The following LAMA2 variants were observed in gnomAD, a reference collection of about 807,000 sequenced individuals.
LAMA2 encodes laminin subunit alpha 2, also known as laminin subunit alpha-2.
Under a neutral mutation model 364.8 loss-of-function variants are expected in LAMA2, and 269 were observed. The ratio of observed to expected loss-of-function variants is 0.74; its 90% CI spans 0.67 to 0.82. The LOEUF (loss-of-function observed/expected upper bound fraction) is 0.82, where lower values mean the gene tolerates loss of function less well. Among genes scored for constraint, LAMA2 ranks in the 40% least tolerant of loss-of-function variants. The pLI is 0.00. For missense variants in LAMA2, 3,807 were observed against 3,873.2 expected, an observed-to-expected ratio of 0.98 and a Z score of 0.45; for synonymous variants, 1,379 against 1,370.6, an observed-to-expected ratio of 1.01 and a Z score of -0.14.
chr6:129,012,374 G>T (rs1048303150), intron 1 of LAMA2, among the ~76,000 whole-genome samples: 1 of 151,962 alleles, frequency 6.6e-6, no homozygotes, highest in East Asian at 1.9e-4. Flanking sequence ...AAATAACCCC[G>T]AACTCCTATA....
At chr6:129,170,432 T>C (rs1345241799) in intron 9 of LAMA2, among the ~76,000 whole-genome samples, 1 of 130,318 alleles carries the variant, frequency 7.7e-6, no homozygotes, top group Non-Finnish European at 1.5e-5. Context: ...CCAGTAGTCA[T>C]TCAGGAGCAG....
intron 26 of LAMA2, 31 bp downstream of exon 26, chr6:129,315,981 A>G (rs1774578199): frequency 6.2e-7 from 1 of 1,613,942 alleles, no homozygotes; most frequent in Non-Finnish European, 8.5e-7. Flanking sequence ...GTGCAAAGAT[A>G]CCAATCAATG....
At chr6:129,472,214 A>G (rs1465490950) in intron 51 of LAMA2, among the ~76,000 whole-genome samples, 2 of 151,952 alleles carry the variant, frequency 1.3e-5, no homozygotes, top group African/African-American at 4.8e-5. Context: ...CTAGCATCCT[A>G]AAGAATAAAC....
chr6:129,031,588 A>G (rs1339594448), intron 1 of LAMA2, among the ~76,000 whole-genome samples: 3 of 152,238 alleles, frequency 2.0e-5, no homozygotes, highest in Non-Finnish European at 4.4e-5. Context: ...GTATGGGTTT[A>G]GAAAGACAAT....
chr6:129,287,724 T>G, intron 18 of LAMA2, 123 bp from the exon 19 acceptor site: 3 of 856,160 alleles, frequency 3.5e-6, no homozygotes, highest in Non-Finnish European at 6.0e-6. Context: ...ACGTTGCGTT[T>G]GAGAAAAGGA....
Position 129,320,546 on chromosome 6 carries a change from A to C in LAMA2, c.4067A>C (p.Glu1356Ala). ...GNFMRQSRIS[E>A]ISMEVAEQGR... ...ATTCTCGCTGTTTCTAGGATTTCTG[A>C]AATCTCAATGGAGGTAGCTGAACAA... is the stretch of plus-strand genomic sequence containing the variant. The change falls in exon 28 of 65, where the codon GAA becomes GCA. Residue 1356 changes from glutamate to alanine, a missense_variant. By Grantham distance (107) the Glu-to-Ala change is moderately radical. Transcript: ENST00000421865. The C allele has an allele frequency of 6.2e-7, 1 of 1,600,584 alleles. No homozygotes were observed. The highest frequency in any genetic ancestry group is 8.6e-7 in the Non-Finnish European group (1 of 1,167,658).
At chr6:129,034,018 G>T (rs934730046) in intron 1 of LAMA2, among the ~76,000 whole-genome samples, 11 of 151,948 alleles carry the variant, frequency 7.2e-5, no homozygotes, top group African/African-American at 2.4e-4. Flanking sequence ...TGATGGATGA[G>T]ATTTCAATGC....
intron 32 of LAMA2, among the ~76,000 whole-genome samples, chr6:129,360,841 T>C (rs1182640605): frequency 6.6e-6 from 1 of 152,198 alleles, no homozygotes; most frequent in East Asian, 1.9e-4. Context: ...CACCGTAGCA[T>C]ATTACAGTAC....
chr6:129,445,940 G>C (rs989456908), intron 45 of LAMA2, 119 bp downstream of exon 45: 9 of 984,844 alleles, frequency 9.1e-6, no homozygotes, highest in African/African-American at 3.2e-5. Context: ...CCTTTAACTC[G>C]AAGCGATTTG....
chr6:129,381,748 TTGGTTAATACTC>T (rs1223493019), intron 34 of LAMA2, among the ~76,000 whole-genome samples: 1 of 152,216 alleles, frequency 6.6e-6, no homozygotes, highest in Non-Finnish European at 1.5e-5. Flanking sequence ...TTATAATACT[TTGGTTAATACTC>T]TCCAAATTAT....
chr6:129,451,967 A>G (rs1298087768), intron 45 of LAMA2, among the ~76,000 whole-genome samples: 1 of 152,232 alleles, frequency 6.6e-6, no homozygotes, highest in Non-Finnish European at 1.5e-5. Flanking sequence ...TGAGTAGCAC[A>G]AAATGCTAGA....
At chr6:129,109,752 T>C (rs1348645720) in intron 4 of LAMA2, among the ~76,000 whole-genome samples, 2 of 152,098 alleles carry the variant, frequency 1.3e-5, no homozygotes, top group Non-Finnish European at 2.9e-5. Context: ...AATACATTTT[T>C]GGTCAAACAA....
chr6:129,291,886 C>T (rs1789725707), intron 20 of LAMA2, among the ~76,000 whole-genome samples, 166 bp downstream of exon 20: 1 of 152,028 alleles, frequency 6.6e-6, no homozygotes, highest in Non-Finnish European at 1.5e-5. Context: ...CAAACTAGAA[C>T]AAAATTCATT....
At chr6:129,096,060 A>G (rs543948544) in intron 3 of LAMA2, among the ~76,000 whole-genome samples, 1 of 152,322 alleles carries the variant, frequency 6.6e-6, no homozygotes, top group African/African-American at 2.4e-5. Context: ...GATATTTCAT[A>G]TTTTATAGCA....
intron 12 of LAMA2, among the ~76,000 whole-genome samples, chr6:129,196,928 A>G (rs1036244775): frequency 6.6e-6 from 1 of 152,166 alleles, no homozygotes; most frequent in Non-Finnish European, 1.5e-5. Context: ...AGGGAATCCC[A>G]AAGAAACCTA....
intron 1 of LAMA2, among the ~76,000 whole-genome samples, chr6:128,991,413 T>A (rs1392730728): frequency 6.6e-6 from 1 of 152,202 alleles, no homozygotes; most frequent in Admixed American, 6.5e-5. Context: ...ATGAAAGCGA[T>A]TCAATCTATT....
intron 41 of LAMA2, 82 bp downstream of exon 41, chr6:129,427,936 G>A (rs1781406203): frequency 1.1e-6 from 1 of 887,976 alleles, no homozygotes; most frequent in Admixed American, 1.8e-5. Flanking sequence ...ATTGGAGAAT[G>A]TAATTTCTTT....
chr6:129,149,420 T>C (rs1375804982), intron 7 of LAMA2, among the ~76,000 whole-genome samples: 2 of 152,164 alleles, frequency 1.3e-5, no homozygotes, highest in East Asian at 3.9e-4. Context: ...TAAACTAGTA[T>C]GAAGTCCAAT....
At chr6:129,441,919 G>A (rs549258007) in intron 43 of LAMA2, among the ~76,000 whole-genome samples, 15 of 152,080 alleles carry the variant, frequency 9.9e-5, no homozygotes, top group Non-Finnish European at 1.6e-4. Flanking sequence ...GAAGGGTGAG[G>A]CTGCAGTGAG....
Sources: allele counts gnomAD v4.1 joint callset (sites outside exome capture counted in the v4.1 genomes callset), GRCh38; gene constraint gnomAD v4.1.1; transcripts MANE v1.5; gene names NCBI Gene and HGNC (gene_info 2026-07-23, HGNC 2026-07-21).